NPEPPS: variants seen among roughly 807,000 people sequenced by gnomAD.
NPEPPS encodes aminopeptidase puromycin sensitive, also known as puromycin-sensitive aminopeptidase.
In NPEPPS, 14 loss-of-function variants were observed where a neutral mutation model predicts 115.5. The ratio of observed to expected loss-of-function variants is 0.12; its 90% CI spans 0.08 to 0.19. NPEPPS has a LOEUF of 0.19. Among genes scored for constraint, NPEPPS ranks in the 10% least tolerant of loss-of-function variants. NPEPPS has a pLI of 1.00. For missense variants in NPEPPS, 523 were observed against 1,110.8 expected, an observed-to-expected ratio of 0.47 and a Z score of 7.52; for synonymous variants, 285 against 390.6, an observed-to-expected ratio of 0.73 and a Z score of 3.19.
intron 2 of NPEPPS, among the ~76,000 whole-genome samples, chr17:47,553,384 G>C (rs1909783938): frequency 6.6e-6 from 1 of 150,644 alleles, no homozygotes; most frequent in Admixed American, 6.6e-5. Context: ...AAAAAAAAAA[G>C]ATCCAGTAAT....
chr17:47,525,091 G>A (rs1179905621), intron 1 of NPEPPS, among the ~76,000 whole-genome samples: 2 of 151,922 alleles, frequency 1.3e-5, no homozygotes, highest in Non-Finnish European at 2.9e-5. Flanking sequence ...AAGGGCCCTT[G>A]TGTTCTAATT....
chr17:47,532,546 C>G (rs925144156), intron 1 of NPEPPS, among the ~76,000 whole-genome samples: 2 of 149,508 alleles, frequency 1.3e-5, no homozygotes, highest in African/African-American at 4.9e-5. Context: ...CTCAGCTACT[C>G]GGGGGCTAAG....
intron 1 of NPEPPS, among the ~76,000 whole-genome samples, chr17:47,541,300 T>C (rs1908746022): frequency 6.6e-6 from 1 of 152,142 alleles, no homozygotes; most frequent in African/African-American, 2.4e-5. Context: ...TGGCATAAAC[T>C]TCAAACTCAG....
At chr17:47,552,453 A>G (rs1961353817) in intron 2 of NPEPPS, among the ~76,000 whole-genome samples, 1 of 152,222 alleles carries the variant, frequency 6.6e-6, no homozygotes, top group South Asian at 2.1e-4. Context: ...TCAGAGATAA[A>G]GAACATGAAG....
chr17:47,594,504 G>A (rs1441068784), intron 12 of NPEPPS, among the ~76,000 whole-genome samples: 2 of 151,108 alleles, frequency 1.3e-5, no homozygotes, highest in Admixed American at 6.6e-5. Context: ...TCCGCCTCCC[G>A]GGTTCAAGTG....
upstream of NPEPPS, among the ~76,000 whole-genome samples, chr17:47,530,652 C>T (rs1433513645): frequency 6.6e-6 from 1 of 152,120 alleles, no homozygotes; most frequent in East Asian, 1.9e-4. Flanking sequence ...ACACTGCGCC[C>T]GGCTATTAAA....
intron 17 of NPEPPS, among the ~76,000 whole-genome samples, chr17:47,608,910 T>G (rs1913677955): frequency 6.6e-6 from 1 of 152,156 alleles, no homozygotes; most frequent in South Asian, 2.1e-4. Flanking sequence ...ACAAGTTTTG[T>G]GGAGTAGTGG....
intron 1 of NPEPPS, among the ~76,000 whole-genome samples, chr17:47,536,650 C>G (rs1335535008): frequency 6.6e-6 from 1 of 150,868 alleles, no homozygotes; most frequent in Non-Finnish European, 1.5e-5. Context: ...CCACCTCAGC[C>G]TCCCAAAGTG....
rs557709043 is a variant in NPEPPS, at chr17:47,546,792, C to T, written c.340+799C>T. Among the ~76,000 whole-genome samples the T allele has an allele frequency of 3.7e-4, 57 of 152,138 alleles. 1 individual carries two copies. Among genetic ancestry groups the T allele is most frequent in the African/African-American group, 1.3e-3 (53 of 41,514 alleles). On this transcript the variant is annotated intron_variant, in intron 2 of 22. Coordinates refer to ENST00000322157, the MANE Select transcript of NPEPPS (RefSeq NM_006310.4). ...TGATCTCAGGTGATCTGCCTGCCTC[C>T]CAAAGTGCTGGGATTACAGATGTGA...
At chr17:47,605,585 G>T (rs570150248) in intron 17 of NPEPPS, 33 bp downstream of exon 17, 1 of 1,327,594 alleles carries the variant, frequency 7.5e-7, no homozygotes. Context: ...AAAGAATTAC[G>T]CAGAAGTTGG....
Position 47,587,175 on chromosome 17 carries a change from T to C in NPEPPS, c.981-55T>C, listed in dbSNP as rs890380977. 14 of 1,495,388 alleles carry C rather than the reference T, an allele frequency of 9.4e-6. No individual in the cohort carries two copies. The Admixed American group carries it at 1.8e-4, about 19-fold the overall frequency. The allele number at this position is 1,495,388 out of a possible 1,614,324, so 92.6% of individuals were successfully genotyped here. On this transcript the variant is annotated intron_variant, in intron 8 of 22. Coordinates refer to ENST00000322157, the MANE Select transcript of NPEPPS (RefSeq NM_006310.4). Reference sequence around the variant, plus strand: ...TTACTGTCTGAATCTTCCCAACTTATGCATGCCCACTTTTATTGTTTAAAT... The same window carrying C: ...TTACTGTCTGAATCTTCCCAACTTACGCATGCCCACTTTTATTGTTTAAAT...
chr17:47,547,720 ACTT>A (rs1207646512), intron 2 of NPEPPS, among the ~76,000 whole-genome samples: 1 of 151,936 alleles, frequency 6.6e-6, no homozygotes, highest in Non-Finnish European at 1.5e-5. Context: ...TTACTCTGAG[ACTT>A]CTTTAATATA....
At chr17:47,595,049 GC>G (rs1912775555) in intron 12 of NPEPPS, among the ~76,000 whole-genome samples, 1 of 152,136 alleles carries the variant, frequency 6.6e-6, no homozygotes, top group Non-Finnish European at 1.5e-5. Flanking sequence ...TCCTGTCTCA[GC>G]CTCCCAAGTA....
At chr17:47,576,878 T>C (rs1911553375) in intron 3 of NPEPPS, among the ~76,000 whole-genome samples, 1 of 152,012 alleles carries the variant, frequency 6.6e-6, no homozygotes, top group African/African-American at 2.4e-5. Flanking sequence ...TGGTGTAAAT[T>C]TGATAAATGA....
chr17:47,591,240 G>A (rs1005708153), intron 10 of NPEPPS, among the ~76,000 whole-genome samples: 146 of 151,952 alleles, frequency 9.6e-4, no homozygotes, highest in Middle Eastern at 3.4e-3. Flanking sequence ...GCACGGTGGC[G>A]CATGCCTGTA....
chr17:47,602,918 G>A (rs1913305799), intron 15 of NPEPPS, among the ~76,000 whole-genome samples: 1 of 151,698 alleles, frequency 6.6e-6, no homozygotes. Context: ...TTATAAATGA[G>A]AAAAAAGTTA....
chr17:47,587,926 C>T (rs1487766615), intron 9 of NPEPPS, among the ~76,000 whole-genome samples: 3 of 151,406 alleles, frequency 2.0e-5, no homozygotes, highest in Non-Finnish European at 4.4e-5. Context: ...CTCTGTCCTT[C>T]AGTCCTGATT....
At chr17:47,530,201 C>G (rs1011546181), upstream of NPEPPS, among the ~76,000 whole-genome samples, 16 of 149,120 alleles carry the variant, frequency 1.1e-4, no homozygotes, top group African/African-American at 3.9e-4. Context: ...CCTCGGCCTC[C>G]CAAATTGCTG....
intron 2 of NPEPPS, among the ~76,000 whole-genome samples, chr17:47,563,034 G>GT (rs201468395): frequency 0.023 from 3,375 of 143,946 alleles, 71 homozygotes; most frequent in Middle Eastern, 0.061. Context: ...TTGTTTGTTT[G>GT]TTTTGTTTTT....
Sources: allele counts gnomAD v4.1 joint callset (sites outside exome capture counted in the v4.1 genomes callset), GRCh38; gene constraint gnomAD v4.1.1; transcripts MANE v1.5; gene names NCBI Gene and HGNC (gene_info 2026-07-23, HGNC 2026-07-21).